Variants in NINJ2 observed in about 807,000 individuals in gnomAD.
NINJ2 encodes the protein ninjurin 2, also known as ninjurin-2.
Under a neutral mutation model 11.7 loss-of-function variants are expected in NINJ2, and 12 were observed. The ratio of observed to expected loss-of-function variants is 1.02; its 90% CI spans 0.66 to 1.66. The LOEUF is 1.66. NINJ2 is among the 40% of genes most tolerant of loss of function. The pLI is 0.00. For missense variants in NINJ2, 187 were observed against 181.8 expected (o/e 1.03, Z -0.16); for synonymous variants, 93 against 76.8 (o/e 1.21, Z -1.10).
rs908558265 is a variant in NINJ2 at position 581,151 on chromosome 12, A to C, written c.34-14973T>G. ...TCTCTGTGCCTCTGTGTGTGTGTGC[A>C]TGTGTCTCTGTGTGTGTGTGTGTGT... On this transcript the variant is annotated intron_variant, in intron 1 of 3. Coordinates refer to ENST00000305108, the MANE Select transcript of NINJ2 (RefSeq NM_016533.6). The surrounding 1 kb of genome is among the most constrained non-coding windows in gnomAD (Gnocchi z 4.9). Among the ~76,000 whole-genome samples, 2 of 128,616 alleles carry C rather than the reference A, an allele frequency of 1.6e-5. No individual in the cohort carries two copies. The highest frequency in any genetic ancestry group is 5.9e-5 in the African/African-American group (2 of 33,618). The allele number at this position is 128,616 out of a possible 152,430, so 84.4% of individuals were successfully genotyped here. A position where few individuals can be genotyped will look rare whatever the true frequency, so the allele number is the denominator to read the frequency against.
At chr12:599,829 C>A (rs1947843472) in intron 1 of NINJ2, among the ~76,000 whole-genome samples, 1 of 152,148 alleles carries the variant, frequency 6.6e-6, no homozygotes, top group African/African-American at 2.4e-5. Context: ...TCACATTCCT[C>A]CCCGAGATGC....
intron 3 of NINJ2, among the ~76,000 whole-genome samples, chr12:564,955 C>G (rs1481872323): frequency 1.3e-5 from 2 of 152,228 alleles, no homozygotes; most frequent in Admixed American, 6.5e-5. Context: ...GGGGCAGAGT[C>G]AACCACTAAT....
chr12:575,160 C>T (rs1947436965), intron 1 of NINJ2, among the ~76,000 whole-genome samples: 1 of 152,252 alleles, frequency 6.6e-6, no homozygotes. Flanking sequence ...TCTCTCCTCG[C>T]TCCTGCTGGC....
At chr12:649,841 C>G (rs1278198495) in intron 1 of NINJ2, among the ~76,000 whole-genome samples, 3 of 152,000 alleles carry the variant, frequency 2.0e-5, no homozygotes, top group Non-Finnish European at 2.9e-5. Context: ...TGTTTATGAG[C>G]TTGTGTATCT....
intron 1 of NINJ2, among the ~76,000 whole-genome samples, chr12:662,045 TAAAC>T (rs1222508887): frequency 6.6e-6 from 1 of 152,112 alleles, no homozygotes; most frequent in East Asian, 1.9e-4. Flanking sequence ...TGAAAGAAAT[TAAAC>T]AAATGATAAA....
intron 1 of NINJ2, among the ~76,000 whole-genome samples, chr12:596,694 A>AG (rs34569155): frequency 6.6e-5 from 10 of 152,076 alleles, no homozygotes. Flanking sequence ...AGGTTGAAGC[A>AG]GGGGCATCCC....
chr12:635,345 C>T (rs891010632), intron 1 of NINJ2, among the ~76,000 whole-genome samples: 34 of 152,224 alleles, frequency 2.2e-4, no homozygotes, highest in African/African-American at 8.2e-4. Context: ...GCCACCAGGC[C>T]TGGCCCCTGT....
intron 1 of NINJ2, among the ~76,000 whole-genome samples, chr12:636,941 T>A (rs1186260174): frequency 6.6e-6 from 1 of 152,178 alleles, no homozygotes; most frequent in Non-Finnish European, 1.5e-5. Flanking sequence ...TATACACCAA[T>A]GTTAATGGCA....
At chr12:613,599 A>T (rs1023805929) in intron 1 of NINJ2, among the ~76,000 whole-genome samples, 11 of 147,930 alleles carry the variant, frequency 7.4e-5, no homozygotes, top group African/African-American at 2.5e-4. Flanking sequence ...ACAGAACGAG[A>T]CTCTGTCTCA....
Position 614,331 on chromosome 12 carries a change from T to C in NINJ2, c.34-48153A>G, listed in dbSNP as rs1948067758. 1.3e-5 allele frequency among the ~76,000 whole-genome samples: 2 copies of C among 152,170 alleles called. No individual in the cohort carries two copies. Among genetic ancestry groups the C allele is most frequent in the Non-Finnish European group, 2.9e-5 (2 of 68,034 alleles). On this transcript the variant is annotated intron_variant, in intron 1 of 3. Transcript: ENST00000305108. This position sits in a 1 kb window ranked among gnomAD's most constrained non-coding sequence, Gnocchi z 5.1. ...CTAGACTGCATGAGGGAGAGGACTG[T>C]GTGTAGGTCCAGGGACTTGGTCTTG... is the stretch of plus-strand genomic sequence containing the variant.
At chr12:598,546 G>T (rs143421218) in intron 1 of NINJ2, among the ~76,000 whole-genome samples, 2 of 152,194 alleles carry the variant, frequency 1.3e-5, no homozygotes, top group South Asian at 2.1e-4. Flanking sequence ...AGGAGAAAGG[G>T]GGGGAGACAT....
At chr12:607,664 G>A (rs949264743) in intron 1 of NINJ2, among the ~76,000 whole-genome samples, 3 of 152,216 alleles carry the variant, frequency 2.0e-5, no homozygotes, top group African/African-American at 7.2e-5. Context: ...CTGGGGGAAT[G>A]CTGAGCTAAT....
chr12:663,328 T>C lies in NINJ2; in HGVS notation c.33A>G (p.Gln11=), dbSNP rs1018731422. ...CTGCTCTCTTCCAGAGAGAACTTAC[T>C]TGAAGGTCGATGTTTTCTCTTGCTG... MESARENIDL[Q]PGSSDPRSQP... Residue 11 remains glutamine, a splice_region_variant and synonymous_variant, in exon 1 of 4, where the codon CAA becomes CAG. Coordinates refer to ENST00000305108, the MANE Select transcript of NINJ2 (RefSeq NM_016533.6). 1.1e-5 allele frequency: 18 copies of C among 1,613,936 alleles called. No individual in the cohort carries two copies. Among genetic ancestry groups the C allele is most frequent in the Non-Finnish European group, 1.5e-5 (18 of 1,179,958 alleles).
intron 1 of NINJ2, among the ~76,000 whole-genome samples, chr12:572,402 G>C (rs1482034626): frequency 6.6e-6 from 1 of 152,262 alleles, no homozygotes; most frequent in African/African-American, 2.4e-5. Flanking sequence ...GCCCGGGAAA[G>C]CCAGGCCTCC....
intron 1 of NINJ2, among the ~76,000 whole-genome samples, chr12:578,444 G>T (rs753398888): frequency 1.3e-5 from 2 of 152,048 alleles, no homozygotes. Context: ...ATAGCCTCCT[G>T]GGTAGCTGGG....
chr12:658,643 C>T (rs545936647), intron 1 of NINJ2, among the ~76,000 whole-genome samples: 1 of 147,292 alleles, frequency 6.8e-6, no homozygotes, highest in East Asian at 2.0e-4. Flanking sequence ...TGAAACTTCT[C>T]TATTATGCTA....
chr12:594,831 C>T (rs1315110206), intron 1 of NINJ2, among the ~76,000 whole-genome samples: 5 of 152,080 alleles, frequency 3.3e-5, no homozygotes, highest in Non-Finnish European at 5.9e-5. Flanking sequence ...CAAACCGATT[C>T]TAAAGTTTAC....
At chr12:576,493 T>G (rs1042616936) in intron 1 of NINJ2, among the ~76,000 whole-genome samples, 5 of 152,218 alleles carry the variant, frequency 3.3e-5, no homozygotes, top group Admixed American at 2.0e-4. Context: ...CTTATTTATT[T>G]TAGTTATTAC....
At chr12:610,376 T>C (rs1425581529) in intron 1 of NINJ2, 1 of 1,535,460 alleles carries the variant, frequency 6.5e-7, no homozygotes, top group African/African-American at 1.4e-5. Context: ...TCCCATTTGC[T>C]GACTTGGAAC....
Sources: allele counts gnomAD v4.1 joint callset (sites outside exome capture counted in the v4.1 genomes callset), GRCh38; gene constraint gnomAD v4.1.1; non-coding constraint Gnocchi (gnomAD v3.1); transcripts MANE v1.5; gene names NCBI Gene and HGNC (gene_info 2026-07-23, HGNC 2026-07-21).